Variants in NAPB observed in about 807,000 individuals in gnomAD.
The protein encoded by NAPB is NSF attachment protein beta.
NAPB carries 26 observed loss-of-function variants against 44.7 expected under a neutral mutation model. The observed-to-expected ratio is 0.58, with a 90% CI of 0.43 to 0.81. The LOEUF (loss-of-function observed/expected upper bound fraction) is 0.81. Ranked by LOEUF, NAPB falls within the 30% of genes least tolerant of loss-of-function variation. The pLI, the probability that NAPB is intolerant of heterozygous loss-of-function variation, is 0.00. For missense variants in NAPB, 315 were observed against 356.4 expected (o/e 0.88, Z 0.94); for synonymous variants, 120 against 116.8 (o/e 1.03, Z -0.18).
In NAPB at chr20:23,394,950, T is replaced by C; in HGVS notation, c.392A>G (p.Tyr131Cys). The change falls in exon 5 of 11, where the codon TAT (tyrosine) becomes TGT (cysteine). Residue 131 changes from tyrosine to cysteine, a missense_variant. Coordinates refer to ENST00000377026, the MANE Select transcript of NAPB (RefSeq NM_022080.3). ...AKHHITIAEIYETELVDIEKA... is the reference protein window; with the variant it reads ...AKHHITIAEICETELVDIEKA... ...CTCAATGTCTACAAGTTCAGTCTCA[T>C]AGATCTCTGCAATAGTAATGTGGTG... The C allele has an allele frequency of 1.9e-6, 3 of 1,614,208 alleles. No individual in the cohort carries two copies. The highest frequency in any genetic ancestry group is 2.5e-6 in the Non-Finnish European group (3 of 1,180,026).
chr20:23,378,775 A>T (rs1398639919), intron 10 of NAPB: 2 of 149,836 alleles, frequency 1.3e-5, no homozygotes, highest in East Asian at 4.0e-4. Context: ...AAATACAGCA[A>T]ATTCTCACTA....
chr20:23,381,388 T>C, intron 7 of NAPB, 71 bp from the exon 8 acceptor site: 1 of 920,200 alleles, frequency 1.1e-6, no homozygotes, highest in Admixed American at 2.6e-5. Context: ...TTCTCATCTG[T>C]TGTCCTTTAG....
At chr20:23,416,126 C>T (rs997720674) in intron 1 of NAPB, among the ~76,000 whole-genome samples, 7 of 152,266 alleles carry the variant, frequency 4.6e-5, no homozygotes, top group African/African-American at 1.7e-4. Flanking sequence ...TACCACGTGC[C>T]TAACGCATGC....
chr20:23,406,409 T>C (rs561386768), intron 1 of NAPB, among the ~76,000 whole-genome samples: 5 of 152,272 alleles, frequency 3.3e-5, no homozygotes, highest in African/African-American at 9.6e-5. Context: ...AACCTCTGAA[T>C]TGTACATTTT....
intron 7 of NAPB, 107 bp from the exon 8 acceptor site, chr20:23,381,424 T>C: frequency 3.0e-6 from 2 of 658,852 alleles, no homozygotes; most frequent in East Asian, 5.8e-5. Context: ...CTTATGTTTG[T>C]TTAGCTATGA....
At chr20:23,379,972 C>G (rs764687979) in intron 8 of NAPB, 37 bp from the exon 9 acceptor site, 2 of 1,553,272 alleles carry the variant, frequency 1.3e-6, no homozygotes, top group Non-Finnish European at 1.8e-6. Context: ...TTCAGACTTA[C>G]TAAACAAACA....
chr20:23,421,159 C>G (rs1986394075), intron 1 of NAPB, 146 bp downstream of exon 1: 1 of 619,672 alleles, frequency 1.6e-6, no homozygotes, highest in Non-Finnish European at 2.7e-6. Flanking sequence ...TACAGGATTT[C>G]TGGAGGGCGC....
chr20:23,390,346 A>G, intron 5 of NAPB, 82 bp from the exon 6 acceptor site: 1 of 1,209,122 alleles, frequency 8.3e-7, no homozygotes, highest in Non-Finnish European at 1.2e-6. Flanking sequence ...GTATTTTTCC[A>G]TAAATAAACC....
chr20:23,394,841 C>G (rs1411963550), intron 5 of NAPB, 81 bp downstream of exon 5: 2 of 1,414,782 alleles, frequency 1.4e-6, no homozygotes, highest in Non-Finnish European at 1.0e-6. Flanking sequence ...CCTACGATCA[C>G]TCTCAGACTG....
chr20:23,377,208 C>CA lies in NAPB; in HGVS notation c.*167_*168insT, dbSNP rs1302783864. 2.5e-6 allele frequency: 1 copy of CA among 400,390 alleles called. No homozygotes were observed. The allele number at this position is 400,390 out of a possible 1,614,324, so 24.8% of individuals were successfully genotyped here. ...ACCACAAGATGAACAGGAGCCTCTC[C>CA]TTCATTCATTTCACAGCAACACAGA... On this transcript the variant is annotated 3_prime_UTR_variant, in exon 11 of 11. Transcript: ENST00000377026.
In NAPB at chr20:23,421,350, T is replaced by C; in HGVS notation, c.53A>G (p.Glu18Gly). Residue 18 changes from glutamate to glycine, a missense_variant, in exon 1 of 11, where the codon GAG becomes GGG. Transcript: ENST00000377026. ...REAVQLMAEA[E>G]KRVKASHSFL... ...GGAGTGGGAGGCCTTGACTCGCTTC[T>C]CGGCCTCCGCCATCAGCTGTACTGC... The C allele has an allele frequency of 1.9e-6, 3 of 1,563,610 alleles. No homozygotes were observed. The highest frequency in any genetic ancestry group is 1.9e-5 in the Admixed American group (1 of 53,660).
chr20:23,391,024 A>G (rs1313169768), intron 5 of NAPB, among the ~76,000 whole-genome samples: 1 of 152,196 alleles, frequency 6.6e-6, no homozygotes, highest in Non-Finnish European at 1.5e-5. Context: ...AGAAAAAAGA[A>G]CTGGTGTCGG....
intron 5 of NAPB, among the ~76,000 whole-genome samples, chr20:23,391,078 G>A (rs1330684844): frequency 6.6e-6 from 1 of 152,182 alleles, no homozygotes; most frequent in Non-Finnish European, 1.5e-5. Context: ...ACTTTTGGAG[G>A]CCGAGGAGGG....
At chr20:23,396,147 T>G (rs1291015072) in intron 3 of NAPB, among the ~76,000 whole-genome samples, 1 of 152,250 alleles carries the variant, frequency 6.6e-6, no homozygotes, top group African/African-American at 2.4e-5. Context: ...AATGAGATTA[T>G]ACAACATTCA....
rs534091834 is a variant in NAPB, at chr20:23,381,014, A to G, written c.666+199T>C. The G allele has an allele frequency of 3.5e-5, 19 of 535,580 alleles. 1 individual carries two copies. Among genetic ancestry groups the G allele is most frequent in the South Asian group, 3.0e-4 (15 of 49,428 alleles). The allele number at this position is 535,580 out of a possible 1,614,324, so 33.2% of individuals were successfully genotyped here. On this transcript the variant is annotated intron_variant, in intron 8 of 10. Coordinates refer to ENST00000377026, the MANE Select transcript of NAPB (RefSeq NM_022080.3). The stretch of plus-strand genomic sequence containing the variant: ...GTTCAGGGTGGTATGGCTATAAACT[A>G]TCAGGTAACTTTTGAGAACAGCTTT...
At chr20:23,401,787 A>G (rs1410627812) in intron 2 of NAPB, among the ~76,000 whole-genome samples, 1 of 152,218 alleles carries the variant, frequency 6.6e-6, no homozygotes, top group Non-Finnish European at 1.5e-5. Context: ...AGGCTGAGGC[A>G]TAAGAATCGC....
chr20:23,413,292 C>T (rs780646327), intron 1 of NAPB, among the ~76,000 whole-genome samples: 1 of 151,050 alleles, frequency 6.6e-6, no homozygotes, highest in South Asian at 2.1e-4. Context: ...TGGAATAAAA[C>T]CCTTACAATA....
chr20:23,379,618 A>G (rs1346665029), intron 9 of NAPB, 123 bp from the exon 10 acceptor site: 9 of 776,824 alleles, frequency 1.2e-5, no homozygotes, highest in African/African-American at 1.8e-5. Flanking sequence ...ATACTCATAT[A>G]CAAGTCAAGA....
At chr20:23,387,073 AC>A (rs1207408826) in intron 7 of NAPB, among the ~76,000 whole-genome samples, 2 of 152,210 alleles carry the variant, frequency 1.3e-5, no homozygotes, top group East Asian at 3.8e-4. Flanking sequence ...TTGACAAAGG[AC>A]AAAAACCATG....
Sources: allele counts gnomAD v4.1 joint callset (sites outside exome capture counted in the v4.1 genomes callset), GRCh38; gene constraint gnomAD v4.1.1; transcripts MANE v1.5; gene names NCBI Gene and HGNC (gene_info 2026-07-23, HGNC 2026-07-21).